The following TNRC6A variants were observed in gnomAD, a reference collection of about 807,000 sequenced individuals.
TNRC6A encodes trinucleotide repeat-containing gene 6A protein.
A neutral mutation model predicts 221.2 loss-of-function variants in TNRC6A; 44 were observed. The observed-to-expected ratio is 0.20, with a 90% CI of 0.16 to 0.26. The LOEUF is 0.26. TNRC6A is among the 10% of genes least tolerant of loss of function. The probability of loss-of-function intolerance (pLI) is 1.00; values close to 1 mark genes in which losing one functional copy is unlikely to be tolerated. For missense variants in TNRC6A, 2,199 were observed against 2,404.4 expected (o/e 0.91, Z 1.79); for synonymous variants, 847 against 838.5 (o/e 1.01, Z -0.18).
intron 6 of TNRC6A, among the ~76,000 whole-genome samples, chr16:24,792,290 C>T (rs1453957465): frequency 2.6e-5 from 4 of 152,046 alleles, no homozygotes; most frequent in Admixed American, 2.6e-4. Context: ...GTATTTAAAA[C>T]ATTTGACAAT....
intron 2 of TNRC6A, among the ~76,000 whole-genome samples, chr16:24,746,489 C>G (rs143249405): frequency 2.6e-5 from 4 of 152,150 alleles, no homozygotes; most frequent in Non-Finnish European, 5.9e-5. Context: ...ATCTACTCCC[C>G]GCCCCACTTT....
chr16:24,614,405 G>A (rs150427393), intron 1 of TNRC6A, among the ~76,000 whole-genome samples: 1 of 152,322 alleles, frequency 6.6e-6, no homozygotes, highest in Non-Finnish European at 1.5e-5. Flanking sequence ...AATTCAAAAG[G>A]CTAATAAGCT....
intron 2 of TNRC6A, among the ~76,000 whole-genome samples, chr16:24,747,734 C>G (rs1448778170): frequency 1.3e-5 from 2 of 152,134 alleles, no homozygotes; most frequent in Non-Finnish European, 2.9e-5. Context: ...ACTTACTCCC[C>G]TCTGTGCTTA....
chr16:24,673,212 AAGAT>A (rs2055342406), intron 2 of TNRC6A, among the ~76,000 whole-genome samples: 1 of 152,198 alleles, frequency 6.6e-6, no homozygotes. Flanking sequence ...AAAATAAAAA[AAGAT>A]AGTACTATTC....
At chr16:24,683,496 C>T (rs1272544286) in intron 2 of TNRC6A, among the ~76,000 whole-genome samples, 4 of 152,282 alleles carry the variant, frequency 2.6e-5, no homozygotes, top group East Asian at 3.9e-4. Flanking sequence ...CGTGCCCAGC[C>T]CCTATCCTGC....
intron 2 of TNRC6A, among the ~76,000 whole-genome samples, chr16:24,681,562 G>A (rs1245327679): frequency 6.6e-6 from 1 of 152,016 alleles, no homozygotes; most frequent in Admixed American, 6.6e-5. Context: ...ATATATTGTG[G>A]ACATATTTTC....
At chr16:24,732,102 G>A (rs950941908) in intron 2 of TNRC6A, among the ~76,000 whole-genome samples, 5 of 152,192 alleles carry the variant, frequency 3.3e-5, no homozygotes, top group African/African-American at 1.2e-4. Flanking sequence ...AGGCATGAAA[G>A]GAAAAACAAA....
chr16:24,796,739 G>C (rs1401525788), intron 9 of TNRC6A, among the ~76,000 whole-genome samples: 1 of 89,986 alleles, frequency 1.1e-5, no homozygotes, highest in Non-Finnish European at 2.3e-5. Flanking sequence ...GCAATGGGAA[G>C]GGGTAATGAA....
chr16:24,733,987 C>T (rs1253761789), intron 2 of TNRC6A, among the ~76,000 whole-genome samples: 2 of 152,104 alleles, frequency 1.3e-5, no homozygotes, highest in Non-Finnish European at 2.9e-5. Context: ...GCCTGTGCAA[C>T]ATGATAAGAC....
intron 2 of TNRC6A, among the ~76,000 whole-genome samples, chr16:24,749,217 C>G (rs973731141): frequency 6.6e-6 from 1 of 152,118 alleles, no homozygotes; most frequent in Non-Finnish European, 1.5e-5. Context: ...TTTCTTCCGC[C>G]TTTGCAAAGG....
chr16:24,735,977 C>G (rs530060281), intron 2 of TNRC6A, among the ~76,000 whole-genome samples: 1 of 152,202 alleles, frequency 6.6e-6, no homozygotes, highest in South Asian at 2.1e-4. Flanking sequence ...CCAGCCTGAC[C>G]AACATGGTGA....
chr16:24,686,828 C>G (rs928814392), intron 2 of TNRC6A, among the ~76,000 whole-genome samples: 1 of 152,134 alleles, frequency 6.6e-6, no homozygotes, highest in African/African-American at 2.4e-5. Flanking sequence ...CCCTCCTAAA[C>G]CCCCTGGCCT....
At chr16:24,728,082 C>G (rs539141918), upstream of TNRC6A, among the ~76,000 whole-genome samples, 1 of 152,144 alleles carries the variant, frequency 6.6e-6, no homozygotes, top group Non-Finnish European at 1.5e-5. Flanking sequence ...CTTAACCTAT[C>G]GGAGAGGACA....
intron 2 of TNRC6A, among the ~76,000 whole-genome samples, chr16:24,702,090 C>A (rs72768646): frequency 0.3 from 35,904 of 120,824 alleles, 4,846 homozygotes; most frequent in Non-Finnish European, 0.33. Context: ...ACTCTATTTT[C>A]TTTTCTTTTC....
chr16:24,629,263 C>T (rs941531094), intron 1 of TNRC6A, among the ~76,000 whole-genome samples: 6 of 152,100 alleles, frequency 3.9e-5, no homozygotes, highest in African/African-American at 1.4e-4. Flanking sequence ...TTTTTAACCA[C>T]AATTACAAAT....
intron 3 of TNRC6A, among the ~76,000 whole-genome samples, chr16:24,755,969 A>G (rs539716609): frequency 1.3e-5 from 2 of 152,290 alleles, no homozygotes; most frequent in Admixed American, 1.3e-4. Flanking sequence ...GACCCTCATA[A>G]TAACCCTGAA....
At chr16:24,777,379 C>G in intron 5 of TNRC6A, 21 bp downstream of exon 5, 1 of 1,593,444 alleles carries the variant, frequency 6.3e-7, no homozygotes, top group East Asian at 2.2e-5. Context: ...GCATTTCTTA[C>G]GAGACTCACA....
At chr16:24,636,570 T>A (rs527266756) in intron 1 of TNRC6A, among the ~76,000 whole-genome samples, 14 of 152,224 alleles carry the variant, frequency 9.2e-5, no homozygotes, top group Admixed American at 3.3e-4. Flanking sequence ...GGTCTCACTA[T>A]GTTGTCCAGG....
chr16:24,610,499 A>G (rs2141509229), intron 1 of TNRC6A: 1 of 152,342 alleles, frequency 6.6e-6, no homozygotes, highest in Non-Finnish European at 1.5e-5. Flanking sequence ...GTTACTGCAC[A>G]CTTTCAGCAA....
Sources: gnomAD v4.1 joint callset for allele counts (sites outside exome capture counted in the v4.1 genomes callset) on GRCh38, gnomAD v4.1.1 for gene constraint, MANE v1.5 for transcripts, NCBI Gene and HGNC (gene_info 2026-07-23, HGNC 2026-07-21) for gene names.